The following CNGB3 variants were observed in gnomAD, a reference collection of about 807,000 sequenced individuals.
The protein encoded by CNGB3 is cyclic nucleotide-gated channel beta-3.
In CNGB3, 86 loss-of-function variants were observed where a neutral mutation model predicts 92.8. The ratio of observed to expected loss-of-function variants is 0.93; its 90% confidence interval spans 0.78 to 1.11. The LOEUF is 1.11. Ranked by LOEUF, CNGB3 falls within the 50% of genes least tolerant of loss-of-function variation. The pLI is 0.00. For synonymous variants in CNGB3, 333 were observed against 332.7 expected, an observed-to-expected ratio of 1.00 and a Z score of -0.01; for missense variants, 1,026 against 956.8, an observed-to-expected ratio of 1.07 and a Z score of -0.95.
intron 1 of CNGB3, among the ~76,000 whole-genome samples, chr8:86,741,313 C>T (rs1825336570): frequency 6.6e-6 from 1 of 152,048 alleles, no homozygotes; most frequent in Admixed American, 6.6e-5. Flanking sequence ...TATTTTTTCC[C>T]ATACCCACAT....
chr8:86,676,377 A>G (rs1232350059), intron 3 of CNGB3, among the ~76,000 whole-genome samples: 1 of 152,162 alleles, frequency 6.6e-6, no homozygotes, highest in African/African-American at 2.4e-5. Context: ...GCTTTAGAAA[A>G]GGGGTGTTCA....
intron 4 of CNGB3, among the ~76,000 whole-genome samples, chr8:86,670,653 A>G (rs143691617): frequency 6.4e-4 from 97 of 152,046 alleles, no homozygotes; most frequent in African/African-American, 2.1e-3. Context: ...GGCTCAAGCA[A>G]TCCTCCTGTC....
intron 3 of CNGB3, among the ~76,000 whole-genome samples, chr8:86,724,828 G>A (rs902172532): frequency 6.6e-6 from 1 of 152,052 alleles, no homozygotes; most frequent in African/African-American, 2.4e-5. Context: ...AAAGCCTGCG[G>A]CAGGAGGGAA....
intron 13 of CNGB3, among the ~76,000 whole-genome samples, chr8:86,611,966 A>G (rs1822530969): frequency 6.6e-6 from 1 of 152,162 alleles, no homozygotes; most frequent in South Asian, 2.1e-4. Context: ...GGGGATAAAA[A>G]TGGTACTTAT....
chr8:86,713,257 C>T (rs551734500), intron 3 of CNGB3, among the ~76,000 whole-genome samples: 1 of 152,268 alleles, frequency 6.6e-6, no homozygotes, highest in Admixed American at 6.5e-5. Context: ...CTGAGACCTA[C>T]TTTATGTTCT....
At chr8:86,730,952 C>T (rs1483796165) in intron 2 of CNGB3, among the ~76,000 whole-genome samples, 1 of 151,968 alleles carries the variant, frequency 6.6e-6, no homozygotes, top group Non-Finnish European at 1.5e-5. Context: ...TGTAAGAAAT[C>T]CAGAGAAGGA....
chr8:86,606,486 A>G (rs1476720004), intron 14 of CNGB3, among the ~76,000 whole-genome samples: 1 of 152,140 alleles, frequency 6.6e-6, no homozygotes, highest in East Asian at 1.9e-4. Context: ...ATACTCAAAA[A>G]CAGATAAAAG....
chr8:86,621,562 G>A (rs1822726861), intron 13 of CNGB3, among the ~76,000 whole-genome samples: 1 of 151,978 alleles, frequency 6.6e-6, no homozygotes, highest in Non-Finnish European at 1.5e-5. Context: ...AGATTTTGGT[G>A]CACCTGTCAC....
intron 3 of CNGB3, among the ~76,000 whole-genome samples, chr8:86,684,977 T>C (rs1824157131): frequency 6.6e-6 from 1 of 152,012 alleles, no homozygotes; most frequent in South Asian, 2.1e-4. Context: ...CACACACGCA[T>C]GGATGAGTAC....
intron 15 of CNGB3, among the ~76,000 whole-genome samples, chr8:86,602,313 G>A (rs1822321714): frequency 6.6e-6 from 1 of 151,904 alleles, no homozygotes; most frequent in Non-Finnish European, 1.5e-5. Context: ...CGTTAAACAA[G>A]GAGAAAAAAA....
At chr8:86,739,764 G>T in intron 1 of CNGB3, 28 bp from the exon 2 acceptor site, 2 of 1,608,766 alleles carry the variant, frequency 1.2e-6, no homozygotes, top group Non-Finnish European at 1.7e-6. Flanking sequence ...GAGATTGTAT[G>T]TGATGAATTT....
intron 15 of CNGB3, among the ~76,000 whole-genome samples, chr8:86,591,261 T>C (rs532379360): frequency 6.8e-6 from 1 of 146,814 alleles, no homozygotes; most frequent in Admixed American, 6.9e-5. Flanking sequence ...TTCAAAGTTT[T>C]CAACTTCTTT....
At chr8:86,696,934 T>C (rs765288624) in intron 3 of CNGB3, among the ~76,000 whole-genome samples, 1 of 152,136 alleles carries the variant, frequency 6.6e-6, no homozygotes, top group Admixed American at 6.5e-5. Context: ...AGTATATTAT[T>C]TGCAACCCTC....
rs773381712 is a variant in CNGB3, at chr8:86,626,067, CA to C, written c.1493del (p.Leu498CysfsTer11). On this transcript the variant is annotated frameshift_variant, in exon 13 of 18. Transcript: ENST00000320005. LOFTEE classifies it high-confidence loss of function. ...DSQRMLDESD[L>X]LKTLPTTVQL... The stretch of plus-strand genomic sequence containing the variant: ...GGACCGTAGTTGGTAGGGTCTTAAG[CA>C]AATCAGACTCATCTTTATAAAGATA... 36 of 1,612,096 alleles carry C rather than the reference CA, an allele frequency of 2.2e-5. No individual in the cohort carries two copies. The highest frequency in any genetic ancestry group is 3.0e-5 in the Non-Finnish European group (35 of 1,178,530).
At chr8:86,668,979 A>C (rs1823804320) in intron 4 of CNGB3, among the ~76,000 whole-genome samples, 1 of 152,196 alleles carries the variant, frequency 6.6e-6, no homozygotes, top group Non-Finnish European at 1.5e-5. Flanking sequence ...TGACTGTGCC[A>C]CTGCACTCCA....
intron 15 of CNGB3, among the ~76,000 whole-genome samples, chr8:86,588,478 TCATAGATAG>T (rs1821943859): frequency 6.9e-6 from 1 of 145,462 alleles, no homozygotes; most frequent in African/African-American, 2.6e-5. Context: ...TGTGGGTTTG[TCATAGATAG>T]CTCTTATTAT....
chr8:86,708,352 T>C (rs1327362885), intron 3 of CNGB3, among the ~76,000 whole-genome samples: 2 of 151,786 alleles, frequency 1.3e-5, no homozygotes, highest in African/African-American at 4.8e-5. Context: ...CAGATAAAGA[T>C]AGAAAGGAGA....
chr8:86,659,438 A>G, intron 6 of CNGB3: 1 of 657,286 alleles, frequency 1.5e-6, no homozygotes, highest in Non-Finnish European at 2.8e-6. Context: ...GTTGAGCTGG[A>G]TTCCTGACTT....
At chr8:86,580,907 A>G (rs1821750465) in intron 15 of CNGB3, among the ~76,000 whole-genome samples, 1 of 152,238 alleles carries the variant, frequency 6.6e-6, no homozygotes, top group African/African-American at 2.4e-5. Context: ...GGTGGAGAAG[A>G]CAGAGAAAAC....
Sources: allele counts gnomAD v4.1 joint callset (sites outside exome capture counted in the v4.1 genomes callset), GRCh38; gene constraint gnomAD v4.1.1; transcripts MANE v1.5; gene names NCBI Gene and HGNC (gene_info 2026-07-23, HGNC 2026-07-21).